ARHGAP22: variants seen among roughly 807,000 people sequenced by gnomAD.
ARHGAP22 encodes Rho GTPase activating protein 22, also known as rho GTPase-activating protein 22.
In ARHGAP22, 48 loss-of-function variants were observed where a neutral mutation model predicts 59.1. That is an observed-to-expected ratio of 0.81 (90% CI 0.64 to 1.03). The LOEUF is 1.03. ARHGAP22 is among the 50% of genes least tolerant of loss of function. The pLI is 0.00. For synonymous variants in ARHGAP22, 445 were observed against 416.4 expected (o/e 1.07, Z -0.84); for missense variants, 1,015 against 958.7 (o/e 1.06, Z -0.78).
chr10:48,591,822 C>A (rs967084441), intron 1 of ARHGAP22, among the ~76,000 whole-genome samples: 2 of 151,984 alleles, frequency 1.3e-5, no homozygotes, highest in Non-Finnish European at 2.9e-5. Flanking sequence ...TGCAGTGAGT[C>A]GAGATTGCAT....
intron 4 of ARHGAP22, among the ~76,000 whole-genome samples, chr10:48,478,467 G>T (rs1385587082): frequency 6.6e-6 from 1 of 152,206 alleles, no homozygotes; most frequent in Admixed American, 6.5e-5. Context: ...AGCCCATGTG[G>T]CTTGTGAAAT....
In ARHGAP22 at chr10:48,475,061, T is replaced by C. The variant is rs116781034; in HGVS notation, c.451+4575A>G. Among the ~76,000 whole-genome samples, 509 of 152,244 alleles carry C rather than the reference T, an allele frequency of 3.3e-3. 1 individual carries two copies. The highest frequency in any genetic ancestry group is 0.011 in the African/African-American group (471 of 41,542). ...CTTTTCTGCAAACTTTTTGAAAGAGTTGGCTATGCTGACACTCCAATTCCC... is the reference window on the plus strand; with the variant it reads ...CTTTTCTGCAAACTTTTTGAAAGAGCTGGCTATGCTGACACTCCAATTCCC... On this transcript the variant is annotated intron_variant, in intron 4 of 9. Transcript: ENST00000249601.
intron 3 of ARHGAP22, among the ~76,000 whole-genome samples, chr10:48,522,675 A>C (rs539590746): frequency 1.4e-4 from 21 of 152,288 alleles, no homozygotes; most frequent in African/African-American, 4.6e-4. Context: ...AGCCCTAGCT[A>C]TTGTCATAGT....
intron 3 of ARHGAP22, among the ~76,000 whole-genome samples, chr10:48,524,664 C>T (rs1241014435): frequency 6.6e-6 from 1 of 152,144 alleles, no homozygotes; most frequent in Non-Finnish European, 1.5e-5. Context: ...TCAGGACCAC[C>T]GAGCTCTCAG....
chr10:48,440,393 A>G, the ARHGAP22 span, among the ~76,000 whole-genome samples: 8 of 152,166 alleles, frequency 5.3e-5, 1 homozygote. Context: ...AGCTGGGAGT[A>G]GGAAATAGAA....
chr10:48,438,470 G>C, the ARHGAP22 span: 1 of 152,216 alleles, frequency 6.6e-6, no homozygotes, highest in Non-Finnish European at 1.5e-5. Flanking sequence ...TTCGTTAAGT[G>C]CTCTTAAGGA....
chr10:48,589,812 C>T (rs964254365), intron 1 of ARHGAP22, among the ~76,000 whole-genome samples: 1 of 152,170 alleles, frequency 6.6e-6, no homozygotes, highest in Non-Finnish European at 1.5e-5. Context: ...TATGCAGCTA[C>T]TAAGGGAGCT....
rs575518268 is a variant in ARHGAP22, at chr10:48,459,957, T to C, written c.452-66A>G. The C allele has an allele frequency of 1.5e-5, 22 of 1,501,776 alleles. No homozygotes were observed. In the African/African-American group the frequency reaches 2.6e-4, roughly 18 times the overall value. The allele number at this position is 1,501,776 out of a possible 1,614,324, so 93.0% of individuals were successfully genotyped here. On this transcript the variant is annotated intron_variant, in intron 4 of 9. Transcript: ENST00000249601. ...GCTCAGTGTTGGGTGCTCAGGACAA[T>C]GGAGGGCAGGCGCACTGTTAGGGCT...
chr10:48,489,546 A>G (rs2050163092), intron 3 of ARHGAP22, among the ~76,000 whole-genome samples: 1 of 152,212 alleles, frequency 6.6e-6, no homozygotes, highest in East Asian at 1.9e-4. Flanking sequence ...AACTTAGGAA[A>G]CATTAGTATT....
At chr10:48,488,276 T>C (rs1199439699) in intron 3 of ARHGAP22, among the ~76,000 whole-genome samples, 1 of 152,264 alleles carries the variant, frequency 6.6e-6, no homozygotes, top group African/African-American at 2.4e-5. Flanking sequence ...TTTTTGATCA[T>C]ATAGAATACA....
the ARHGAP22 span, among the ~76,000 whole-genome samples, chr10:48,432,945 G>A: frequency 6.6e-6 from 1 of 152,120 alleles, no homozygotes; most frequent in Non-Finnish European, 1.5e-5. Context: ...GTAGTGTTTG[G>A]TAAATCAAAA....
chr10:48,450,641 G>T lies in ARHGAP22; in HGVS notation c.1488C>A (p.Pro496=). ...VQRLSTYDNV[P]APGLVPGIPS... ...GTATGCCGGGGACCAGGCCCGGCGC[G>T]GGCACATTGTCGTAGGTGGAGAGTC... Residue 496 remains proline (P), a synonymous_variant, in exon 9 of 10, where the codon CCC becomes CCA. Coordinates refer to ENST00000249601, the MANE Select transcript of ARHGAP22 (RefSeq NM_021226.4). 1 of 1,549,948 alleles carries T rather than the reference G, an allele frequency of 6.5e-7. No individual in the cohort carries two copies.
chr10:48,483,340 T>A (rs982891778), intron 3 of ARHGAP22, among the ~76,000 whole-genome samples: 1 of 152,164 alleles, frequency 6.6e-6, no homozygotes, highest in Admixed American at 6.5e-5. Context: ...AAGGTCTGAT[T>A]TTTCCCCCAA....
chr10:48,586,727 C>G (rs1271338724), intron 1 of ARHGAP22, among the ~76,000 whole-genome samples: 1 of 152,210 alleles, frequency 6.6e-6, no homozygotes, highest in Non-Finnish European at 1.5e-5. Context: ...ATTGTCTTAG[C>G]TGTTCTGATT....
chr10:48,451,491 T>A (rs1452581866), intron 8 of ARHGAP22: 2 of 702,510 alleles, frequency 2.8e-6, no homozygotes, highest in Non-Finnish European at 5.2e-6. Context: ...GGACCTGAGA[T>A]GCCAGAACTC....
At chr10:48,516,073 C>A (rs1745624644) in intron 3 of ARHGAP22, among the ~76,000 whole-genome samples, 1 of 151,356 alleles carries the variant, frequency 6.6e-6, no homozygotes, top group Non-Finnish European at 1.5e-5. Flanking sequence ...ATTTAAAAAT[C>A]TATAAAAACA....
intron 2 of ARHGAP22, among the ~76,000 whole-genome samples, chr10:48,561,670 G>A (rs1454077605): frequency 5.9e-5 from 9 of 152,076 alleles, no homozygotes; most frequent in Non-Finnish European, 1.3e-4. Context: ...AAATAAAGAG[G>A]CAAAAGATTT....
upstream of ARHGAP22, among the ~76,000 whole-genome samples, chr10:48,654,133 C>T (rs1366123598): frequency 5.3e-5 from 8 of 152,080 alleles, no homozygotes; most frequent in Non-Finnish European, 8.8e-5. Flanking sequence ...CAGGAAAGCC[C>T]TCATAATATG....
intron 3 of ARHGAP22, among the ~76,000 whole-genome samples, chr10:48,530,537 T>C (rs1026659261): frequency 6.6e-6 from 1 of 151,926 alleles, no homozygotes; most frequent in African/African-American, 2.4e-5. Flanking sequence ...AGGACTAACA[T>C]CCAGAATCTA....
Sources: allele counts gnomAD v4.1 joint callset (sites outside exome capture counted in the v4.1 genomes callset), GRCh38; gene constraint gnomAD v4.1.1; transcripts MANE v1.5; gene names NCBI Gene and HGNC (gene_info 2026-07-23, HGNC 2026-07-21).